Variants in JAK1 observed in about 807,000 individuals in gnomAD.
The protein encoded by JAK1 is Janus kinase 1, also known as tyrosine-protein kinase JAK1.
JAK1 carries 16 observed loss-of-function variants against 136.6 expected under a neutral mutation model. That is an observed-to-expected ratio of 0.12 (90% CI 0.08 to 0.18). The LOEUF is 0.18. Among genes scored for constraint, JAK1 ranks in the 10% least tolerant of loss-of-function variants. The probability of loss-of-function intolerance (pLI) is 1.00; values close to 1 mark genes in which losing one functional copy is unlikely to be tolerated. For missense variants in JAK1, 859 were observed against 1,450.1 expected, an observed-to-expected ratio of 0.59 and a Z score of 6.62; for synonymous variants, 492 against 519.5, an observed-to-expected ratio of 0.95 and a Z score of 0.72.
At chr1:64,960,005 T>C (rs1189910814) in intron 1 of JAK1, among the ~76,000 whole-genome samples, 1 of 152,182 alleles carries the variant, frequency 6.6e-6, no homozygotes, top group Admixed American at 6.5e-5. Flanking sequence ...GGCAGGAGGA[T>C]TGCTTGAGCC....
chr1:64,834,708 T>TA (rs747710267), intron 24 of JAK1, 51 bp from the exon 25 acceptor site: 31 of 1,177,806 alleles, frequency 2.6e-5, no homozygotes, highest in Middle Eastern at 4.5e-4. Flanking sequence ...CTGGGAACTT[T>TA]AAAAAATAAC....
intron 15 of JAK1, among the ~76,000 whole-genome samples, chr1:64,845,225 C>T (rs1404385492): frequency 6.6e-5 from 10 of 152,202 alleles, no homozygotes; most frequent in African/African-American, 2.4e-4. Context: ...TCACTCAACA[C>T]GTACTGCACT....
At chr1:64,965,289 G>T (rs1018869759) in intron 1 of JAK1, among the ~76,000 whole-genome samples, 3 of 152,114 alleles carry the variant, frequency 2.0e-5, no homozygotes, top group Non-Finnish European at 2.9e-5. Flanking sequence ...AAGTGTCAAT[G>T]ACATGTATAG....
rs748416660 is a variant in JAK1, at chr1:64,845,503, A to G, written c.2115+10T>C. The G allele has an allele frequency of 2.5e-6, 4 of 1,614,118 alleles. No homozygotes were observed. ...TGGTGGGACCATTATGGACATCAGG[A>G]CATTCTCACCAAGTAGCTCAGGGCA... On this transcript the variant is annotated intron_variant, in intron 15 of 24. Coordinates refer to ENST00000342505, the MANE Select transcript of JAK1 (RefSeq NM_002227.4).
In JAK1 at chr1:64,986,082, T is replaced by C. The variant is rs1177823948; in HGVS notation, c.-78+58398A>G. The C allele has an allele frequency of 6.6e-6, 7 of 1,057,688 alleles. No homozygotes were observed. The Admixed American group carries it at 1.3e-4, about 20-fold the overall frequency. The allele number at this position is 1,057,688 out of a possible 1,614,324, so 65.5% of individuals were successfully genotyped here. On this transcript the variant is annotated intron_variant, in intron 2 of 25. Coordinates refer to the JAK1 transcript ENST00000671954. ...GAAGATCAGAGATGGGGTGACCTTC[T>C]ATGTCCCCCATGGCCTCAATCTAAT... is the stretch of plus-strand genomic sequence containing the variant.
rs76972967 is a variant in JAK1 at position 64,878,589 on chromosome 1, A to G, written c.329+436T>C. The stretch of plus-strand genomic sequence containing the variant: ...TATATATATATATATATATATATAT[A>G]TATATATATATATATATCTCAAAAG... On this transcript the variant is annotated intron_variant, in intron 4 of 24. Coordinates refer to ENST00000342505, the MANE Select transcript of JAK1 (RefSeq NM_002227.4). Among the ~76,000 whole-genome samples the G allele has an allele frequency of 2.1e-4, 13 of 63,156 alleles. 2 individuals are homozygous for G. The highest frequency in any genetic ancestry group is 5.8e-4 in the Admixed American group (4 of 6,850). 41.4% of individuals were successfully genotyped at this position (63,156 alleles called of 152,430 possible).
Position 64,984,188 on chromosome 1 carries a change from G to C in JAK1, c.-78+60292C>G, listed in dbSNP as rs1264222096. Among the ~76,000 whole-genome samples the C allele has an allele frequency of 1.3e-5, 2 of 152,146 alleles. No homozygotes were observed. The highest frequency in any genetic ancestry group is 4.8e-5 in the African/African-American group (2 of 41,426). On this transcript the variant is annotated intron_variant, in intron 2 of 25. Coordinates refer to the JAK1 transcript ENST00000671954. This position sits in a 1 kb window ranked among gnomAD's most constrained non-coding sequence, Gnocchi z 4.1. ...TTAATTTGCTGTGTACAGCTGTATG[G>C]AAGTGAGGAAGGTGCTCTTACATAA...
intron 1 of JAK1, among the ~76,000 whole-genome samples, chr1:65,051,765 A>T (rs1215041230): frequency 6.6e-6 from 1 of 152,230 alleles, no homozygotes; most frequent in Non-Finnish European, 1.5e-5. Flanking sequence ...TTTTAACATC[A>T]TCAATCTCCT....
Position 64,905,504 on chromosome 1 carries a change from A to C in JAK1, c.-77-19163T>G, listed in dbSNP as rs150482108. ...TACTGCTATATATATTTCTGGACTA[A>C]TAAAGAAAGAAATAATCGTATTGAA... On this transcript the variant is annotated intron_variant, in intron 1 of 24. Coordinates refer to ENST00000342505, the MANE Select transcript of JAK1 (RefSeq NM_002227.4). Among the ~76,000 whole-genome samples the C allele has an allele frequency of 3.5e-3, 539 of 152,292 alleles. 3 individuals carry two copies. Among genetic ancestry groups the C allele is most frequent in the African/African-American group, 0.012 (519 of 41,550 alleles).
At chr1:64,857,867 A>G in intron 9 of JAK1, 88 bp from the exon 10 acceptor site, 2 of 1,479,688 alleles carry the variant, frequency 1.4e-6, no homozygotes, top group Non-Finnish European at 1.9e-6. Flanking sequence ...GAGCTGCCTC[A>G]AGTCTTAACA....
At position 64,838,583 on chromosome 1, in the gene JAK1, T is replaced by C; in HGVS notation, c.2849A>G (p.Asn950Ser). 1 of 1,613,480 alleles carries C rather than the reference T, an allele frequency of 6.2e-7. No individual in the cohort carries two copies. Among genetic ancestry groups the C allele is most frequent in the African/African-American group, 1.3e-5 (1 of 75,044 alleles). ...YKGICTEDGGNGIKLIMEFLP... is the reference protein window; with the variant it reads ...YKGICTEDGGSGIKLIMEFLP... ...AAATTCCATGATGAGCTTAATACCA[T>C]TTCCTCCTGTTTAGAAAAAACATCC... Residue 950 changes from asparagine (N) to serine (S), a missense_variant, in exon 21 of 25, where the codon AAT (asparagine) becomes AGT (serine). Around this residue, in one of 4 missense-constraint regions of JAK1, gnomAD observed 409 missense variants for 753.8 expected, o/e 0.54. Transcript: ENST00000342505.
intron 1 of JAK1, among the ~76,000 whole-genome samples, chr1:64,913,263 C>G (rs941254580): frequency 6.6e-6 from 1 of 151,982 alleles, no homozygotes; most frequent in African/African-American, 2.4e-5. Context: ...ATTTACTGTA[C>G]CAACTAGGAG....
intron 1 of JAK1, among the ~76,000 whole-genome samples, chr1:64,927,328 C>T (rs1645599718): frequency 6.6e-6 from 1 of 152,190 alleles, no homozygotes; most frequent in African/African-American, 2.4e-5. Flanking sequence ...GTTTTGTGTC[C>T]ACATCCTCAC....
chr1:65,008,776 C>G (rs1646824612), intron 2 of JAK1, among the ~76,000 whole-genome samples: 1 of 152,098 alleles, frequency 6.6e-6, no homozygotes, highest in Non-Finnish European at 1.5e-5. Flanking sequence ...CAGCCTCAAC[C>G]TGCCTGGGCT....
chr1:64,842,610 G>A (rs1557624455), intron 17 of JAK1, among the ~76,000 whole-genome samples: 1 of 152,180 alleles, frequency 6.6e-6, no homozygotes, highest in African/African-American at 2.4e-5. Context: ...GACTTAGGTG[G>A]AGAGAGACCC....
chr1:64,985,077 C>G, intron 2 of JAK1: 1 of 919,464 alleles, frequency 1.1e-6, no homozygotes, highest in Admixed American at 1.7e-5. Context: ...AGCCATCCCT[C>G]CAAGGCCTAT....
chr1:64,838,985 A>T (rs1403774193), intron 20 of JAK1, among the ~76,000 whole-genome samples: 3 of 143,358 alleles, frequency 2.1e-5, no homozygotes, highest in Non-Finnish European at 4.5e-5. Flanking sequence ...CTCTACTAAA[A>T]ATACAAAAAA....
At chr1:65,000,691 CA>C (rs1646747422) in intron 2 of JAK1, among the ~76,000 whole-genome samples, 1 of 151,888 alleles carries the variant, frequency 6.6e-6, no homozygotes. Flanking sequence ...AAAAAGGTGA[CA>C]AAGCATTGTG....
chr1:64,835,640 TTAAA>T, intron 23 of JAK1, 134 bp from the exon 24 acceptor site: 1 of 636,524 alleles, frequency 1.6e-6, no homozygotes, highest in Middle Eastern at 4.2e-4. Context: ...CTTAGTAACT[TTAAA>T]TAAAAATCCA....
Sources: gnomAD v4.1 joint callset for allele counts (sites outside exome capture counted in the v4.1 genomes callset) on GRCh38, gnomAD v4.1.1 for gene constraint, gnomAD v4.1.1 regional missense constraint, Gnocchi (gnomAD v3.1) non-coding constraint, MANE v1.5 for transcripts, NCBI Gene and HGNC (gene_info 2026-07-23, HGNC 2026-07-21) for gene names.